Variants in TBC1D5 observed in about 807,000 individuals in gnomAD.
TBC1D5 encodes TBC1 domain family member 5.
A neutral mutation model predicts 100.3 loss-of-function variants in TBC1D5; 75 were observed. That is an observed-to-expected ratio of 0.75 (90% CI 0.62 to 0.91). The LOEUF (loss-of-function observed/expected upper bound fraction) is 0.91, where lower values mean the gene tolerates loss of function less well. Among genes scored for constraint, TBC1D5 ranks in the 40% least tolerant of loss-of-function variants. The pLI is 0.00. For missense variants in TBC1D5, 910 were observed against 942.4 expected, an observed-to-expected ratio of 0.97 and a Z score of 0.45; for synonymous variants, 323 against 325.6, an observed-to-expected ratio of 0.99 and a Z score of 0.09.
chr3:17,403,280 C>T, intron 7 of TBC1D5, 32 bp from the exon 8 acceptor site: 10 of 1,432,184 alleles, frequency 7.0e-6, no homozygotes, highest in Admixed American at 2.1e-5. Flanking sequence ...ATTATATAGT[C>T]TCACACCTTT....
chr3:17,588,669 G>C (rs375392597), intron 2 of TBC1D5, among the ~76,000 whole-genome samples: 3 of 152,026 alleles, frequency 2.0e-5, no homozygotes, highest in Non-Finnish European at 4.4e-5. Context: ...GAGAATTTAG[G>C]ATAGATGAAA....
intron 3 of TBC1D5, among the ~76,000 whole-genome samples, chr3:17,435,974 A>G (rs963448279): frequency 2.6e-5 from 4 of 152,210 alleles, no homozygotes; most frequent in African/African-American, 9.6e-5. Context: ...CCAGTCTGCA[A>G]AGACAGGAAG....
intron 2 of TBC1D5, among the ~76,000 whole-genome samples, chr3:17,568,048 T>G (rs1253290471): frequency 6.6e-6 from 1 of 151,592 alleles, no homozygotes; most frequent in African/African-American, 2.4e-5. Flanking sequence ...CATCACAAGC[T>G]TTGATAATAA....
chr3:17,625,503 A>G (rs768176026), intron 1 of TBC1D5, among the ~76,000 whole-genome samples: 7 of 152,068 alleles, frequency 4.6e-5, no homozygotes, highest in Non-Finnish European at 8.8e-5. Context: ...AATAGGTTAA[A>G]CACCCATCTC....
intron 2 of TBC1D5, among the ~76,000 whole-genome samples, chr3:17,598,747 C>T (rs1217720510): frequency 5.3e-5 from 8 of 152,184 alleles, no homozygotes; most frequent in Non-Finnish European, 1.2e-4. Context: ...AAACCAGAGA[C>T]AAAACAGGTA....
rs948172836 is a variant in TBC1D5, at chr3:17,406,319, G to A, written c.276+99C>T. 3.1e-5 allele frequency: 33 copies of A among 1,049,138 alleles called. 1 individual carries two copies. The highest frequency in any genetic ancestry group is 4.3e-5 in the Non-Finnish European group (31 of 725,446). 65.0% of individuals were successfully genotyped at this position (1,049,138 alleles called of 1,614,324 possible). On this transcript the variant is annotated intron_variant, in intron 5 of 21. Transcript: ENST00000253692. ...AAAATAATGGGAGTGAAGTCTCTTG[G>A]AAAATTCAGTGATCCCCTGCATGGC... is the stretch of plus-strand genomic sequence containing the variant.
At chr3:17,663,750 G>A (rs1447926360) in intron 1 of TBC1D5, among the ~76,000 whole-genome samples, 2 of 152,150 alleles carry the variant, frequency 1.3e-5, no homozygotes, top group African/African-American at 2.4e-5. Flanking sequence ...TAGTTTGACT[G>A]TAGTAGTATA....
intron 14 of TBC1D5, among the ~76,000 whole-genome samples, chr3:17,296,431 ATCTTC>A: frequency 6.6e-6 from 1 of 152,348 alleles, no homozygotes; most frequent in African/African-American, 2.4e-5. Flanking sequence ...TGCCTGCAGC[ATCTTC>A]ACCTTTATTT....
At chr3:17,263,773 T>C (rs1281282445) in intron 15 of TBC1D5, among the ~76,000 whole-genome samples, 2 of 152,176 alleles carry the variant, frequency 1.3e-5, no homozygotes, top group Non-Finnish European at 2.9e-5. Flanking sequence ...AAATAACAAA[T>C]CAAAACTAAA....
chr3:17,650,393 A>C (rs958127045), intron 1 of TBC1D5, among the ~76,000 whole-genome samples: 1 of 152,342 alleles, frequency 6.6e-6, no homozygotes, highest in Non-Finnish European at 1.5e-5. Flanking sequence ...CTGGATTCTA[A>C]TAAGATGACC....
chr3:17,379,455 T>C lies in TBC1D5; in HGVS notation c.613-2842A>G, dbSNP rs1285209322. Among the ~76,000 whole-genome samples the C allele has an allele frequency of 2.0e-5, 3 of 152,120 alleles. No homozygotes were observed. In the East Asian group the frequency reaches 5.8e-4, roughly 29 times the overall value. On this transcript the variant is annotated intron_variant, in intron 9 of 21. Transcript: ENST00000253692. Reference sequence around the variant, plus strand: ...TAAATGTTCTCTTCCTTCTAGTTTCTGTTACACCACTCTGTCTAGATTCTC... The same window carrying C: ...TAAATGTTCTCTTCCTTCTAGTTTCCGTTACACCACTCTGTCTAGATTCTC...
At chr3:17,602,316 C>T (rs555178590) in intron 2 of TBC1D5, among the ~76,000 whole-genome samples, 1 of 152,088 alleles carries the variant, frequency 6.6e-6, no homozygotes, top group Non-Finnish European at 1.5e-5. Context: ...TATACCCATG[C>T]GCTCATAACA....
At chr3:17,735,556 T>G (rs1376816028) in intron 1 of TBC1D5, among the ~76,000 whole-genome samples, 1 of 152,156 alleles carries the variant, frequency 6.6e-6, no homozygotes, top group Non-Finnish European at 1.5e-5. Context: ...CCTCACAGAT[T>G]CCAAGGAATG....
At chr3:17,605,206 T>G (rs2061260660) in intron 2 of TBC1D5, among the ~76,000 whole-genome samples, 1 of 152,196 alleles carries the variant, frequency 6.6e-6, no homozygotes. Flanking sequence ...AATGAGTGAC[T>G]CATCAACATG....
intron 2 of TBC1D5, among the ~76,000 whole-genome samples, chr3:17,533,683 G>A (rs2096255412): frequency 6.6e-6 from 1 of 152,166 alleles, no homozygotes; most frequent in African/African-American, 2.4e-5. Flanking sequence ...TTACCAGCCT[G>A]TTCAGCTACG....
intron 4 of TBC1D5, among the ~76,000 whole-genome samples, chr3:17,420,104 T>G (rs1304775923): frequency 6.6e-6 from 1 of 152,132 alleles, no homozygotes; most frequent in East Asian, 1.9e-4. Flanking sequence ...GGGTCTGTGT[T>G]TAACTCCTCT....
At chr3:17,408,966 T>C (rs780180754) in intron 4 of TBC1D5, among the ~76,000 whole-genome samples, 4 of 152,162 alleles carry the variant, frequency 2.6e-5, no homozygotes, top group Non-Finnish European at 5.9e-5. Context: ...TATTTCCAAG[T>C]AGTTACGCAT....
At chr3:17,676,031 T>C (rs536580470) in intron 1 of TBC1D5, among the ~76,000 whole-genome samples, 30 of 152,240 alleles carry the variant, frequency 2.0e-4, no homozygotes, top group Middle Eastern at 6.8e-3. Flanking sequence ...AGATTCTCCA[T>C]TACAATGAAA....
At chr3:17,395,461 A>G (rs1429736767) in intron 8 of TBC1D5, among the ~76,000 whole-genome samples, 4 of 152,172 alleles carry the variant, frequency 2.6e-5, no homozygotes, top group Non-Finnish European at 5.9e-5. Context: ...TGAAGTACCA[A>G]AGCTGCTTCA....
Sources: allele counts gnomAD v4.1 joint callset (sites outside exome capture counted in the v4.1 genomes callset), GRCh38; gene constraint gnomAD v4.1.1; transcripts MANE v1.5; gene names NCBI Gene and HGNC (gene_info 2026-07-23, HGNC 2026-07-21).